Variants in ALG3 observed in about 807,000 individuals in gnomAD.
ALG3 encodes dol-P-Man:Man(5)GlcNAc(2)-PP-Dol alpha-1,3-mannosyltransferase.
In ALG3, 39 loss-of-function variants were observed where a neutral mutation model predicts 50.5. That is an observed-to-expected ratio of 0.77 (90% CI 0.60 to 1.01). The LOEUF is 1.01. Among genes scored for constraint, ALG3 ranks in the 50% least tolerant of loss-of-function variants. ALG3 has a pLI of 0.00. For synonymous variants in ALG3, 252 were observed against 237.2 expected, an observed-to-expected ratio of 1.06 and a Z score of -0.58; for missense variants, 520 against 554.8, an observed-to-expected ratio of 0.94 and a Z score of 0.63.
At chr3:184,249,232 C>G (rs373046727), upstream of ALG3, 125 of 1,612,880 alleles carry the variant, frequency 7.8e-5, no homozygotes, top group South Asian at 1.0e-3. Context: ...CTACCTCCCC[C>G]ACAACCGCTG....
Position 184,248,823 on chromosome 3 carries a change from G to T in ALG3, c.118C>A (p.Arg40Ser). 1.2e-6 allele frequency: 2 copies of T among 1,608,696 alleles called. No individual in the cohort carries two copies. The highest frequency in any genetic ancestry group is 1.7e-6 in the Non-Finnish European group (2 of 1,177,622). The change falls in exon 1 of 9, where the codon CGC becomes AGC. Residue 40 changes from arginine to serine, a missense_variant. Physicochemically the swap from Arg to Ser is moderately radical, Grantham distance 110. Around this residue, in one of 3 missense-constraint regions of ALG3, gnomAD observed 290 missense variants for 265.9 expected, o/e 1.09. Coordinates refer to ENST00000397676, the MANE Select transcript of ALG3 (RefSeq NM_005787.6). ...QERRLLLREP[R>S]YTLLVAACLC... is the part of the protein sequence containing the mutation. ...CAGGCGGCCACCAGCAGCGTGTAGCGCGGCTCCCGCAGCAGCAGGCGCCGC... is the reference window on the plus strand; with the variant it reads ...CAGGCGGCCACCAGCAGCGTGTAGCTCGGCTCCCGCAGCAGCAGGCGCCGC...
In ALG3 at chr3:184,244,469, A is replaced by G; in HGVS notation, c.726+132T>C. ...GCTATGGAAACTACAGCCTAGCGAT[A>G]GTGGCTCCCTAGCTCAGAATCAACT... On this transcript the variant is annotated intron_variant, in intron 5 of 8. Coordinates refer to ENST00000397676, the MANE Select transcript of ALG3 (RefSeq NM_005787.6). 4.5e-6 allele frequency: 5 copies of G among 1,110,408 alleles called. No homozygotes were observed. The South Asian group carries it at 6.5e-5, about 14-fold the overall frequency. 68.8% of individuals were successfully genotyped at this position (1,110,408 alleles called of 1,614,324 possible).
At chr3:184,246,019 C>T (rs1719127628) in intron 1 of ALG3, among the ~76,000 whole-genome samples, 1 of 152,202 alleles carries the variant, frequency 6.6e-6, no homozygotes. Context: ...GATCTTTCTT[C>T]CCATTCCAAT....
Position 184,244,031 on chromosome 3 carries a change from G to A in ALG3, c.727-35C>T, listed in dbSNP as rs539878661. ...GGTGTGATGTCAGCAGAGCTGCCAA[G>A]GCTCATTCCCAATGACCAGCCTTCA... is the stretch of plus-strand genomic sequence containing the variant. On this transcript the variant is annotated intron_variant, in intron 5 of 8. Coordinates refer to ENST00000397676, the MANE Select transcript of ALG3 (RefSeq NM_005787.6). 5 of 1,593,042 alleles carry A rather than the reference G, an allele frequency of 3.1e-6. No individual in the cohort carries two copies. In the South Asian group the frequency reaches 5.6e-5, roughly 18 times the overall value.
chr3:184,248,306 G>A (rs1719289702), intron 1 of ALG3, among the ~76,000 whole-genome samples: 1 of 152,194 alleles, frequency 6.6e-6, no homozygotes. Flanking sequence ...AGCCTGGAAA[G>A]GAGTAGCCAA....
chr3:184,246,311 G>A (rs1259854841), intron 1 of ALG3, among the ~76,000 whole-genome samples: 1 of 151,970 alleles, frequency 6.6e-6, no homozygotes, highest in Non-Finnish European at 1.5e-5. Flanking sequence ...TTTCCACCTC[G>A]TACACCAAAG....
chr3:184,244,477 C>T, intron 5 of ALG3, 124 bp downstream of exon 5: 1 of 1,230,736 alleles, frequency 8.1e-7, no homozygotes, highest in Admixed American at 2.5e-5. Flanking sequence ...ATAGTGGCTC[C>T]CTAGCTCAGA....
In ALG3 at chr3:184,248,857, G is replaced by A. The variant is rs1176413736; in HGVS notation, c.84C>T (p.Ala28=). The change falls in exon 1 of 9, where the codon GCC becomes GCT. Residue 28 remains alanine (A), a synonymous_variant. Coordinates refer to ENST00000397676, the MANE Select transcript of ALG3 (RefSeq NM_005787.6). Reference sequence around the variant, plus strand: ...GCAGCAGCAGGCGCCGCTCTTGCCAGGCGCGCTGCAGCCATTGCTTGCAGA... The same window carrying A: ...GCAGCAGCAGGCGCCGCTCTTGCCAAGCGCGCTGCAGCCATTGCTTGCAGA... ...EGLCKQWLQR[A]WQERRLLLRE... is the part of the protein sequence containing the mutation. The A allele has an allele frequency of 2.5e-6, 4 of 1,607,602 alleles. No individual in the cohort carries two copies. The highest frequency in any genetic ancestry group is 3.4e-6 in the Non-Finnish European group (4 of 1,177,496).
In ALG3 at chr3:184,242,330, C is replaced by T; in HGVS notation, c.*184G>A. On this transcript the variant is annotated 3_prime_UTR_variant, in exon 9 of 9. Coordinates refer to ENST00000397676, the MANE Select transcript of ALG3 (RefSeq NM_005787.6). ...CTATGCAATAAAGTGCCTCTTAGGA[C>T]TGCTTGAGTGAATTCTTTATCTGCT... 1.2e-6 allele frequency: 1 copy of T among 835,088 alleles called. No individual in the cohort carries two copies. The highest frequency in any genetic ancestry group is 2.0e-6 in the Non-Finnish European group (1 of 505,262). 51.7% of individuals were successfully genotyped at this position (835,088 alleles called of 1,614,324 possible). A position where few individuals can be genotyped will look rare whatever the true frequency, so the allele number is the denominator to read the frequency against.
intron 1 of ALG3, among the ~76,000 whole-genome samples, chr3:184,247,850 CTTTT>C (rs550165987): frequency 7.0e-6 from 1 of 142,778 alleles, no homozygotes. Context: ...CATCCTTTTT[CTTTT>C]TTTTTTTTTG....
Position 184,242,506 on chromosome 3 carries a change from G to A in ALG3, c.*8C>T. 6.2e-7 allele frequency: 1 copy of A among 1,612,550 alleles called. No homozygotes were observed. Among genetic ancestry groups the A allele is most frequent in the South Asian group, 1.1e-5 (1 of 90,716 alleles). ...GTAGACTCAGGTCCTGAGGGAAAGGGGTGGACTTCAGTGGGCTTTCTTGCT... is the reference window on the plus strand; with the variant it reads ...GTAGACTCAGGTCCTGAGGGAAAGGAGTGGACTTCAGTGGGCTTTCTTGCT... On this transcript the variant is annotated 3_prime_UTR_variant, in exon 9 of 9. Coordinates refer to ENST00000397676, the MANE Select transcript of ALG3 (RefSeq NM_005787.6).
intron 1 of ALG3, 25 bp downstream of exon 1, chr3:184,248,720 C>T: frequency 1.4e-6 from 2 of 1,418,376 alleles, no homozygotes; most frequent in Non-Finnish European, 1.9e-6. Flanking sequence ...CCTCCCTCCC[C>T]TCCCCTCCCC....
chr3:184,243,877 C>T lies in ALG3; in HGVS notation c.846G>A (p.Ala282=), dbSNP rs370912574. 1.2e-5 allele frequency: 20 copies of T among 1,613,968 alleles called. No individual in the cohort carries two copies. The highest frequency in any genetic ancestry group is 1.7e-5 in the Non-Finnish European group (20 of 1,179,890). The change falls in exon 6 of 9, where the codon GCG becomes GCA. Residue 282 remains alanine, a synonymous_variant. Transcript: ENST00000397676. The part of the protein sequence containing the change: ...WTVNWRFLPE[A]LFLHRAFHLA... ...GGTGGAAGGCTCGATGCAGGAAGAG[C>T]GCCTCTGGGAGGAAGCGCCAGTTCA...
Position 184,244,628 on chromosome 3 carries a change from G to A in ALG3, c.699C>T (p.Pro233=). 6.2e-7 allele frequency: 1 copy of A among 1,610,720 alleles called. No homozygotes were observed. The highest frequency in any genetic ancestry group is 8.5e-7 in the Non-Finnish European group (1 of 1,178,596). Residue 233 remains proline, a synonymous_variant, in exon 5 of 9, where the codon CCC becomes CCT. Coordinates refer to ENST00000397676, the MANE Select transcript of ALG3 (RefSeq NM_005787.6). ...GAAGGCCAGCACAGATTCCCAGCTT[G>A]GGGAGGGCCCCACGGAAGCCAAACT... ...LTQFGFRGAL[P]KLGICAGLQV...
rs981649329 is a variant in ALG3 at position 184,245,594 on chromosome 3, G to A, written c.318C>T (p.Tyr106=). ...GPLVYPAGFV[Y]IFMGLYYATS... ...TGGCATAGTACAACCCCATAAAGATGTACACGAAACCAGCTGGGTACCTGG... is the reference window on the plus strand; with the variant it reads ...TGGCATAGTACAACCCCATAAAGATATACACGAAACCAGCTGGGTACCTGG... Residue 106 remains tyrosine (Y), a synonymous_variant, in exon 3 of 9, where the codon TAC becomes TAT. Coordinates refer to ENST00000397676, the MANE Select transcript of ALG3 (RefSeq NM_005787.6). 4 of 1,613,300 alleles carry A rather than the reference G, an allele frequency of 2.5e-6. No individual in the cohort carries two copies. Among genetic ancestry groups the A allele is most frequent in the Non-Finnish European group, 3.4e-6 (4 of 1,179,620 alleles).
intron 1 of ALG3, 80 bp from the exon 2 acceptor site, chr3:184,245,892 AAC>A: frequency 8.9e-7 from 1 of 1,119,490 alleles, no homozygotes; most frequent in East Asian, 2.5e-5. Context: ...AGACCATCAA[AAC>A]ACAGACTTTC....
chr3:184,244,745 G>A (rs577030357), intron 4 of ALG3, 24 bp from the exon 5 acceptor site: 10 of 1,603,454 alleles, frequency 6.2e-6, no homozygotes, highest in African/African-American at 1.3e-5. Context: ...GGGAGAGGAA[G>A]GGTGGAGATC....
At chr3:184,245,169 G>A (rs749160400) in intron 4 of ALG3, 29 bp downstream of exon 4, 2 of 1,613,318 alleles carry the variant, frequency 1.2e-6, no homozygotes, top group South Asian at 1.1e-5. Context: ...CAGAAAACGA[G>A]AGGGGACCAG....
At chr3:184,244,910 A>T in intron 4 of ALG3, 189 bp from the exon 5 acceptor site, 1 of 795,552 alleles carries the variant, frequency 1.3e-6, no homozygotes, top group Non-Finnish European at 2.0e-6. Context: ...GCAGATACAT[A>T]GTCTCTATGC....
Sources: gnomAD v4.1 joint callset for allele counts (sites outside exome capture counted in the v4.1 genomes callset) on GRCh38, gnomAD v4.1.1 for gene constraint, gnomAD v4.1.1 regional missense constraint, MANE v1.5 for transcripts, NCBI Gene and HGNC (gene_info 2026-07-23, HGNC 2026-07-21) for gene names.